Variants in TRMT11 observed in about 807,000 individuals in gnomAD.
TRMT11 encodes tRNA (guanine(10)-N(2))-methyltransferase TRMT11.
In TRMT11, 53 loss-of-function variants were observed where a neutral mutation model predicts 62.8. That is an observed-to-expected ratio of 0.84 (90% confidence interval 0.68 to 1.06). The LOEUF (loss-of-function observed/expected upper bound fraction) is 1.06. Ranked by LOEUF, TRMT11 falls within the 50% of genes least tolerant of loss-of-function variation. TRMT11 has a pLI of 0.00. For missense variants in TRMT11, 556 were observed against 553.4 expected (o/e 1.00, Z -0.05); for synonymous variants, 188 against 190.3 (o/e 0.99, Z 0.10).
intron 12 of TRMT11, among the ~76,000 whole-genome samples, chr6:126,021,766 A>G (rs970147090): frequency 3.9e-5 from 6 of 152,200 alleles, no homozygotes; most frequent in Admixed American, 1.3e-4. Flanking sequence ...TTACTCTCTT[A>G]CATTCATTAC....
At position 126,164,218 on chromosome 6, in the gene TRMT11, C is replaced by T. The variant is rs142733691; in HGVS notation, c.*1824-10607C>T. 8.6e-3 allele frequency among the ~76,000 whole-genome samples: 1,306 copies of T among 152,256 alleles called. 15 individuals are homozygous for T. Among genetic ancestry groups the T allele is most frequent in the African/African-American group, 0.03 (1,254 of 41,542 alleles). On this transcript the variant is annotated intron_variant and NMD_transcript_variant, in intron 21 of 22. Coordinates refer to the TRMT11 transcript ENST00000648977. ...CAAATAACTTATTTATTTCTGCCTT[C>T]GTTTTGTTATTTATGCAGTAGTCAT...
chr6:126,225,570 G>A, the TRMT11 span, among the ~76,000 whole-genome samples: 2 of 151,900 alleles, frequency 1.3e-5, no homozygotes, highest in East Asian at 3.9e-4. Flanking sequence ...CACCATCTTG[G>A]CTCTTCTCTG....
chr6:126,050,839 TATTC>T (rs1158196807), intron 16 of TRMT11, among the ~76,000 whole-genome samples: 2 of 152,248 alleles, frequency 1.3e-5, no homozygotes, highest in African/African-American at 2.4e-5. Flanking sequence ...TTTACTCATC[TATTC>T]ATTCATTCAA....
chr6:126,163,166 G>T (rs1177029456), intron 21 of TRMT11, among the ~76,000 whole-genome samples: 1 of 152,106 alleles, frequency 6.6e-6, no homozygotes, highest in Non-Finnish European at 1.5e-5. Context: ...TCCAGTTTTT[G>T]CCCATTCAGT....
chr6:126,045,187 C>CAAA lies in TRMT11; in HGVS notation c.*1369+4355_*1369+4357dup, dbSNP rs58899844. Among the ~76,000 whole-genome samples, 270 of 126,932 alleles carry CAAA rather than the reference C, an allele frequency of 2.1e-3. 1 individual carries two copies. The highest frequency in any genetic ancestry group is 6.9e-3 in the African/African-American group (255 of 36,906). The allele number at this position is 126,932 out of a possible 152,430, so 83.3% of individuals were successfully genotyped here. The stretch of plus-strand genomic sequence containing the variant: ...TGGGTGACAGAGCGAGACTCCATCT[C>CAAA]AAAAAAAAAAAAAAATTGCAGATTG... On this transcript the variant is annotated intron_variant and NMD_transcript_variant, in intron 16 of 22. Transcript: ENST00000648977.
chr6:126,183,388 T>G (rs1349153459), intron 1 of TRMT11, among the ~76,000 whole-genome samples: 1 of 152,096 alleles, frequency 6.6e-6, no homozygotes, highest in Non-Finnish European at 1.5e-5. Flanking sequence ...GGTGAGAGTT[T>G]TCAGGAGTGG....
intron 21 of TRMT11, among the ~76,000 whole-genome samples, chr6:126,134,023 A>G (rs1777820709): frequency 6.6e-6 from 1 of 151,930 alleles, no homozygotes; most frequent in African/African-American, 2.4e-5. Flanking sequence ...GTAAAAATCA[A>G]TTTCAATTAG....
intron 21 of TRMT11, among the ~76,000 whole-genome samples, chr6:126,162,559 C>A (rs920429733): frequency 1.3e-5 from 2 of 152,018 alleles, no homozygotes; most frequent in African/African-American, 4.8e-5. Context: ...TTTTTTGGTT[C>A]CATATAAAAT....
the TRMT11 span, among the ~76,000 whole-genome samples, chr6:126,260,259 T>C: frequency 6.6e-6 from 1 of 152,302 alleles, no homozygotes; most frequent in Non-Finnish European, 1.5e-5. Context: ...ATAAAGAGTC[T>C]TGCCAAAATA....
intron 19 of TRMT11, among the ~76,000 whole-genome samples, chr6:126,114,938 G>A (rs1270836622): frequency 2.6e-5 from 4 of 151,970 alleles, no homozygotes; most frequent in East Asian, 1.9e-4. Flanking sequence ...CCTGGGCACC[G>A]AGTTTTATGC....
chr6:126,266,631 G>A, the TRMT11 span, among the ~76,000 whole-genome samples: 7 of 152,032 alleles, frequency 4.6e-5, no homozygotes, highest in East Asian at 1.9e-4. Context: ...TCTTCTAAGC[G>A]ATAACACAAA....
the TRMT11 span, among the ~76,000 whole-genome samples, chr6:126,250,356 G>T: frequency 6.6e-6 from 1 of 152,106 alleles, no homozygotes; most frequent in Non-Finnish European, 1.5e-5. Flanking sequence ...CTAATTTAAA[G>T]AAGTTTTGAT....
rs535486426 is a variant in TRMT11 at position 126,019,453 on chromosome 6, T to A, written c.1140-1707T>A. ...TTGATTGATAAATTTGCTTTTTGGG[T>A]TTTATAGTTATATTAGGGATCTAAA... is the stretch of plus-strand genomic sequence containing the variant. On this transcript the variant is annotated intron_variant, in intron 11 of 12. Transcript: ENST00000334379. Among the ~76,000 whole-genome samples the A allele has an allele frequency of 2.0e-5, 3 of 152,282 alleles. No homozygotes were observed. In the South Asian group the frequency reaches 6.2e-4, roughly 32 times the overall value.
At chr6:126,119,158 C>T (rs996760683) in intron 21 of TRMT11, among the ~76,000 whole-genome samples, 5 of 150,514 alleles carry the variant, frequency 3.3e-5, no homozygotes, top group East Asian at 2.0e-4. Context: ...TTTAGCACAG[C>T]GATTAATCAC....
intron 1 of TRMT11, among the ~76,000 whole-genome samples, chr6:126,186,327 C>CT (rs200048073): frequency 0.016 from 2,467 of 151,376 alleles, 25 homozygotes; most frequent in Non-Finnish European, 0.024. Flanking sequence ...AAGCAGTATT[C>CT]TTTTTTTTTA....
chr6:126,272,310 C>T, the TRMT11 span, among the ~76,000 whole-genome samples: 4 of 152,056 alleles, frequency 2.6e-5, no homozygotes, highest in South Asian at 4.1e-4. Context: ...TATTTTAAAA[C>T]TTGACTTGTT....
At chr6:126,212,838 A>G in the TRMT11 span, among the ~76,000 whole-genome samples, 1 of 151,998 alleles carries the variant, frequency 6.6e-6, no homozygotes, top group Admixed American at 6.6e-5. Context: ...GGGTATTAAG[A>G]AATCTTTGCC....
intron 17 of TRMT11, among the ~76,000 whole-genome samples, chr6:126,104,604 AG>A (rs1405723651): frequency 1.1e-4 from 17 of 152,344 alleles, no homozygotes; most frequent in Middle Eastern, 3.4e-3. Flanking sequence ...TTCTCCTTGT[AG>A]AAGACCTCAC....
chr6:126,095,254 C>T (rs1264620529), intron 17 of TRMT11, among the ~76,000 whole-genome samples: 1 of 152,072 alleles, frequency 6.6e-6, no homozygotes, highest in African/African-American at 2.4e-5. Context: ...CCAATCTTCC[C>T]CAAGGAGACA....
Sources: allele counts gnomAD v4.1 joint callset (sites outside exome capture counted in the v4.1 genomes callset), GRCh38; gene constraint gnomAD v4.1.1; transcripts MANE v1.5; gene names NCBI Gene and HGNC (gene_info 2026-07-23, HGNC 2026-07-21).